The following SLC14A2 variants were observed in gnomAD, a reference collection of about 807,000 sequenced individuals.
The protein encoded by SLC14A2 is urea transporter 2.
Under a neutral mutation model 104.6 loss-of-function variants are expected in SLC14A2, and 91 were observed. The observed-to-expected ratio is 0.87, with a 90% CI of 0.73 to 1.04. SLC14A2 has a LOEUF of 1.04. SLC14A2 is among the 50% of genes least tolerant of loss of function. SLC14A2 has a pLI of 0.00. For synonymous variants in SLC14A2, 476 were observed against 466.4 expected, an observed-to-expected ratio of 1.02 and a Z score of -0.27; for missense variants, 1,189 against 1,156.0, an observed-to-expected ratio of 1.03 and a Z score of -0.41.
chr18:45,463,908 T>C (rs1045242521), intron 1 of SLC14A2, among the ~76,000 whole-genome samples: 1 of 152,218 alleles, frequency 6.6e-6, no homozygotes, highest in African/African-American at 2.4e-5. Context: ...CAGAGCCAGC[T>C]GAAAAGGCTC....
At chr18:45,239,903 C>T (rs1267291884) in intron 1 of SLC14A2, among the ~76,000 whole-genome samples, 1 of 152,090 alleles carries the variant, frequency 6.6e-6, no homozygotes, top group Non-Finnish European at 1.5e-5. Context: ...ATTTTACTTA[C>T]CATCATGTCC....
rs544591651 is a variant in SLC14A2 at position 45,507,707 on chromosome 18, G to A, written c.-35+24385G>A. 1.2e-3 allele frequency among the ~76,000 whole-genome samples: 176 copies of A among 152,282 alleles called. 1 individual carries two copies. The highest frequency in any genetic ancestry group is 3.9e-3 in the African/African-American group (163 of 41,552). On this transcript the variant is annotated intron_variant, in intron 2 of 20. Transcript: ENST00000586448. ...AGCTTCTGCTGCCGTTTGGGGAGCG[G>A]ACATCTTCCTGGAAGAAGGGACTTT...
intron 2 of SLC14A2, among the ~76,000 whole-genome samples, chr18:45,512,243 G>T (rs1399913191): frequency 6.6e-6 from 1 of 152,168 alleles, no homozygotes; most frequent in Non-Finnish European, 1.5e-5. Context: ...GATGGTGGAG[G>T]TGAGGGTCCC....
intron 1 of SLC14A2, among the ~76,000 whole-genome samples, chr18:45,281,883 A>G (rs1030900439): frequency 1.3e-5 from 2 of 152,208 alleles, no homozygotes; most frequent in African/African-American, 2.4e-5. Flanking sequence ...CTTGTTCACC[A>G]GAGCTCAGTG....
At chr18:45,282,234 G>T (rs533355472) in intron 1 of SLC14A2, among the ~76,000 whole-genome samples, 7 of 152,158 alleles carry the variant, frequency 4.6e-5, no homozygotes, top group African/African-American at 1.7e-4. Context: ...GTCCAGGCTG[G>T]CTTGAAATGA....
At chr18:45,324,870 G>A (rs577540252) in intron 1 of SLC14A2, among the ~76,000 whole-genome samples, 38 of 152,148 alleles carry the variant, frequency 2.5e-4, no homozygotes, top group African/African-American at 8.2e-4. Flanking sequence ...TTTCAACGCC[G>A]TAACTCGAGA....
intron 1 of SLC14A2, among the ~76,000 whole-genome samples, chr18:45,352,240 G>T (rs1284620426): frequency 6.6e-6 from 1 of 152,106 alleles, no homozygotes; most frequent in Admixed American, 6.5e-5. Flanking sequence ...AATTTTCAGA[G>T]AGACCATGGA....
intron 1 of SLC14A2, among the ~76,000 whole-genome samples, chr18:45,389,854 A>AAG: frequency 1.3e-5 from 2 of 152,340 alleles, no homozygotes; most frequent in Middle Eastern, 6.8e-3. Context: ...ACCCTGAAAA[A>AAG]AGATCTTTGC....
At chr18:45,307,397 G>A in intron 1 of SLC14A2, among the ~76,000 whole-genome samples, 3 of 132,358 alleles carry the variant, frequency 2.3e-5, no homozygotes, top group South Asian at 5.0e-4. Context: ...CAGCCTGGGT[G>A]ACAGAGTGAG....
chr18:45,380,919 G>A (rs921792860), intron 1 of SLC14A2, among the ~76,000 whole-genome samples: 1 of 152,210 alleles, frequency 6.6e-6, no homozygotes, highest in African/African-American at 2.4e-5. Flanking sequence ...GGGGATCAAA[G>A]TGGCAACACT....
intron 1 of SLC14A2, among the ~76,000 whole-genome samples, chr18:45,371,908 T>C (rs1355932870): frequency 6.6e-6 from 1 of 152,230 alleles, no homozygotes; most frequent in Non-Finnish European, 1.5e-5. Context: ...AAAAGGGTTA[T>C]CTGATGCAGA....
chr18:45,309,503 T>C (rs1443197638), intron 1 of SLC14A2, among the ~76,000 whole-genome samples: 2 of 151,908 alleles, frequency 1.3e-5, no homozygotes, highest in African/African-American at 4.8e-5. Context: ...ATTGTACAGA[T>C]TAAAAAACTG....
intron 2 of SLC14A2, among the ~76,000 whole-genome samples, chr18:45,539,549 T>A (rs2043852253): frequency 1.3e-5 from 2 of 152,186 alleles, no homozygotes; most frequent in African/African-American, 4.8e-5. Flanking sequence ...GTCAGCCAGC[T>A]CTGCTGGAGC....
chr18:45,668,933 G>A (rs2046080106), intron 15 of SLC14A2, among the ~76,000 whole-genome samples: 1 of 152,200 alleles, frequency 6.6e-6, no homozygotes, highest in Admixed American at 6.5e-5. Context: ...CCCATGTTGA[G>A]AAAACACAGG....
At chr18:45,459,382 G>T (rs1238007285) in intron 1 of SLC14A2, among the ~76,000 whole-genome samples, 1 of 152,182 alleles carries the variant, frequency 6.6e-6, no homozygotes, top group Non-Finnish European at 1.5e-5. Flanking sequence ...CTGTGCTGTT[G>T]TGCCCTCACC....
At chr18:45,568,772 G>T (rs1406332522) in intron 2 of SLC14A2, among the ~76,000 whole-genome samples, 1 of 152,188 alleles carries the variant, frequency 6.6e-6, no homozygotes, top group African/African-American at 2.4e-5. Context: ...ACCCTTGGTT[G>T]TCTTAATCCA....
chr18:45,253,132 G>T (rs1281857356), intron 1 of SLC14A2, among the ~76,000 whole-genome samples: 2 of 152,124 alleles, frequency 1.3e-5, no homozygotes, highest in Non-Finnish European at 2.9e-5. Flanking sequence ...AGATTGTTTG[G>T]CCGAAGTATA....
intron 2 of SLC14A2, among the ~76,000 whole-genome samples, chr18:45,599,067 GA>G (rs1203792305): frequency 3.9e-5 from 6 of 152,158 alleles, no homozygotes; most frequent in Non-Finnish European, 7.4e-5. Context: ...GAAAATGACA[GA>G]GAGAAAGTCA....
chr18:45,625,687 T>G lies in SLC14A2; in HGVS notation c.155T>G (p.Leu52Arg), dbSNP rs2045245932. The change falls in exon 3 of 20, where the codon CTC becomes CGC. Residue 52 changes from leucine (L) to arginine (R), a missense_variant. Physicochemically the swap from Leu to Arg is moderately radical, Grantham distance 102. Coordinates refer to ENST00000255226, the MANE Select transcript of SLC14A2 (RefSeq NM_007163.4). ...CTGGTTGGTTTCTCCTAAAAGGATC[T>G]CCGGTCTTCCAATGAAGACAGTCAC... ...PLLEMPEEKD[L>R]RSSNEDSHIV... 3 of 1,545,448 alleles carry G rather than the reference T, an allele frequency of 1.9e-6. No homozygotes were observed. The highest frequency in any genetic ancestry group is 2.6e-6 in the Non-Finnish European group (3 of 1,151,832).
Sources: allele counts gnomAD v4.1 joint callset (sites outside exome capture counted in the v4.1 genomes callset), GRCh38; gene constraint gnomAD v4.1.1; transcripts MANE v1.5; gene names NCBI Gene and HGNC (gene_info 2026-07-23, HGNC 2026-07-21).